The following ATP11A variants were observed in gnomAD, a reference collection of about 807,000 sequenced individuals.
ATP11A encodes the protein phospholipid-transporting ATPase IH.
In ATP11A, 81 loss-of-function variants were observed where a neutral mutation model predicts 154.4. The observed-to-expected ratio is 0.52, with a 90% confidence interval of 0.44 to 0.63. The LOEUF (loss-of-function observed/expected upper bound fraction) is 0.63. Ranked by LOEUF, ATP11A falls within the 30% of genes least tolerant of loss-of-function variation. ATP11A has a pLI of 0.00. For missense variants in ATP11A, 1,316 were observed against 1,474.3 expected (o/e 0.89, Z 1.76); for synonymous variants, 623 against 585.9 (o/e 1.06, Z -0.91).
intron 2 of ATP11A, among the ~76,000 whole-genome samples, chr13:112,789,456 A>T (rs1008637242): frequency 7.6e-6 from 1 of 131,932 alleles, no homozygotes; most frequent in African/African-American, 3.1e-5. Flanking sequence ...TGACATATAG[A>T]CCCTTGCGGA....
chr13:112,760,474 T>G (rs2076938174), intron 1 of ATP11A, among the ~76,000 whole-genome samples: 1 of 152,226 alleles, frequency 6.6e-6, no homozygotes, highest in South Asian at 2.1e-4. Context: ...AGAAACATGC[T>G]CAAATGATAA....
intron 1 of ATP11A, among the ~76,000 whole-genome samples, chr13:112,734,477 C>T (rs1246835587): frequency 6.6e-6 from 1 of 152,152 alleles, no homozygotes; most frequent in African/African-American, 2.4e-5. Context: ...AAAAGTGAGT[C>T]TGGGCAGAAA....
chr13:112,820,348 G>A (rs1414991998), intron 8 of ATP11A, among the ~76,000 whole-genome samples: 1 of 152,178 alleles, frequency 6.6e-6, no homozygotes, highest in African/African-American at 2.4e-5. Context: ...GGCCGTTTTT[G>A]GGAATCTGTT....
At chr13:112,823,480 C>T (rs1566533208) in intron 9 of ATP11A, 71 bp downstream of exon 9, 6 of 1,288,998 alleles carry the variant, frequency 4.7e-6, no homozygotes, top group Non-Finnish European at 6.6e-6. Context: ...TTAAAACCCG[C>T]AGCGGAACCC....
chr13:112,886,255 T>G lies in ATP11A; in HGVS notation c.*4389T>G, dbSNP rs886177427. 1 of 149,588 alleles carries G rather than the reference T, an allele frequency of 6.7e-6. No homozygotes were observed. The highest frequency in any genetic ancestry group is 2.4e-5 in the African/African-American group (1 of 41,184). The allele number at this position is 149,588 out of a possible 1,614,324, so 9.3% of individuals were successfully genotyped here. ...TCGGCTTGCTGAGCGTTTAAACAAA[T>G]GTTTAGACAGGCTGTGGGGACTCCC... On this transcript the variant is annotated 3_prime_UTR_variant, in exon 30 of 30. Coordinates refer to ENST00000375645, the MANE Select transcript of ATP11A (RefSeq NM_015205.3).
At chr13:112,869,788 C>G in intron 25 of ATP11A, among the ~76,000 whole-genome samples, 1 of 152,224 alleles carries the variant, frequency 6.6e-6, no homozygotes, top group East Asian at 1.9e-4. Context: ...GCCACATGTG[C>G]TTGTAGGCTG....
intron 5 of ATP11A, among the ~76,000 whole-genome samples, chr13:112,814,823 T>C (rs952123510): frequency 6.6e-6 from 1 of 152,236 alleles, no homozygotes; most frequent in East Asian, 1.9e-4. Context: ...CAAGGTTGTT[T>C]TAGCTATTCT....
intron 15 of ATP11A, 35 bp downstream of exon 15, chr13:112,834,695 C>G: frequency 6.6e-7 from 1 of 1,510,458 alleles, no homozygotes; most frequent in Admixed American, 1.7e-5. Flanking sequence ...TGTGAAAGGA[C>G]TAACGAATAA....
At chr13:112,722,305 CG>C (rs1236853130) in intron 1 of ATP11A, among the ~76,000 whole-genome samples, 3 of 5,230 alleles carry the variant, frequency 5.7e-4, no homozygotes, top group African/African-American at 1.1e-3. Context: ...AGGGTGGGCC[CG>C]GGGAGAGGGG....
chr13:112,730,972 G>A (rs541662793), intron 1 of ATP11A, among the ~76,000 whole-genome samples: 1 of 152,150 alleles, frequency 6.6e-6, no homozygotes, highest in Non-Finnish European at 1.5e-5. Flanking sequence ...GTCTTGCTAA[G>A]TTACCCAGGC....
chr13:112,807,864 A>T lies in ATP11A; in HGVS notation c.333+1571A>T, dbSNP rs1219824726. On this transcript the variant is annotated intron_variant, in intron 4 of 29. Transcript: ENST00000375645. This position sits in a 1 kb window ranked among gnomAD's most constrained non-coding sequence, Gnocchi z 4.5. Reference sequence around the variant, plus strand: ...AGAAGGGGCGCGGGGGTGCAGAACAAGGGGCTGAGGCTCTATGGCTCTGTT... The same window carrying T: ...AGAAGGGGCGCGGGGGTGCAGAACATGGGGCTGAGGCTCTATGGCTCTGTT... Among the ~76,000 whole-genome samples the T allele has an allele frequency of 2.0e-5, 3 of 152,092 alleles. No homozygotes were observed. The highest frequency in any genetic ancestry group is 4.4e-5 in the Non-Finnish European group (3 of 68,002).
chr13:112,789,246 C>T (rs188458812), intron 2 of ATP11A, among the ~76,000 whole-genome samples: 1 of 150,192 alleles, frequency 6.7e-6, no homozygotes, highest in Non-Finnish European at 1.5e-5. Context: ...TTAATCCACA[C>T]CGGGTGTCCT....
intron 5 of ATP11A, among the ~76,000 whole-genome samples, chr13:112,815,825 G>A (rs1481329722): frequency 2.0e-5 from 3 of 152,190 alleles, no homozygotes; most frequent in South Asian, 2.1e-4. Flanking sequence ...CCAACTCGTC[G>A]TCTTGGTCTG....
chr13:112,832,141 C>T (rs747565920), intron 13 of ATP11A, among the ~76,000 whole-genome samples: 13 of 152,234 alleles, frequency 8.5e-5, no homozygotes, highest in Admixed American at 6.5e-5. Context: ...CACACGCAGA[C>T]ACACACATGC....
intron 1 of ATP11A, among the ~76,000 whole-genome samples, chr13:112,692,308 G>A (rs936564755): frequency 1.3e-5 from 2 of 152,184 alleles, no homozygotes; most frequent in African/African-American, 2.4e-5. Flanking sequence ...GTCACGTTGT[G>A]GGGCTAATGT....
At chr13:112,862,409 G>A in intron 24 of ATP11A, 31 bp from the exon 25 acceptor site, 1 of 1,611,878 alleles carries the variant, frequency 6.2e-7, no homozygotes, top group Non-Finnish European at 8.5e-7. Flanking sequence ...GATTCTCGAG[G>A]ACACACGCTG....
chr13:112,763,347 A>C (rs867083133), intron 1 of ATP11A, among the ~76,000 whole-genome samples: 1 of 152,206 alleles, frequency 6.6e-6, no homozygotes, highest in Non-Finnish European at 1.5e-5. Context: ...TTGGACCAGC[A>C]GTGACATTAA....
chr13:112,730,116 C>A (rs865782758), intron 1 of ATP11A, among the ~76,000 whole-genome samples: 14 of 152,196 alleles, frequency 9.2e-5, no homozygotes, highest in African/African-American at 3.1e-4. Context: ...CCGTGGGAAC[C>A]CTTCGCAGCG....
chr13:112,818,212 G>A (rs1007869680), intron 6 of ATP11A, among the ~76,000 whole-genome samples: 10 of 150,288 alleles, frequency 6.7e-5, no homozygotes, highest in Non-Finnish European at 1.2e-4. Flanking sequence ...GGCAGTGACT[G>A]TTGGTGCGCT....
Sources: gnomAD v4.1 joint callset for allele counts (sites outside exome capture counted in the v4.1 genomes callset) on GRCh38, gnomAD v4.1.1 for gene constraint, Gnocchi (gnomAD v3.1) non-coding constraint, MANE v1.5 for transcripts, NCBI Gene and HGNC (gene_info 2026-07-23, HGNC 2026-07-21) for gene names.